Variants in ATP2B3 observed in about 807,000 individuals in gnomAD.
The protein encoded by ATP2B3 is ATPase plasma membrane Ca2+ transporting 3.
Under a neutral mutation model 70.8 loss-of-function variants are expected in ATP2B3, and 12 were observed. That is an observed-to-expected ratio of 0.17 (90% CI 0.11 to 0.27). The LOEUF (loss-of-function observed/expected upper bound fraction) is 0.27. Ranked by LOEUF, ATP2B3 falls within the 10% of genes least tolerant of loss-of-function variation. ATP2B3 has a pLI of 1.00. For missense variants in ATP2B3, 858 were observed against 1,118.5 expected (o/e 0.77, Z 3.32); for synonymous variants, 460 against 497.8 (o/e 0.92, Z 1.01).
chrX:153,526,227 C>T (rs1384457092), intron 2 of ATP2B3, among the ~76,000 whole-genome samples: 4 of 112,330 alleles, frequency 3.6e-5, no homozygotes, highest in Non-Finnish European at 5.6e-5. Context: ...GAGCAGGCAT[C>T]TGTCCATGAG....
chrX:153,558,006 A>C (rs1326379533), intron 16 of ATP2B3, 106 bp from the exon 17 acceptor site: 7 of 790,830 alleles, frequency 8.9e-6, no homozygotes, highest in Non-Finnish European at 1.2e-5. Context: ...GATGTTATTC[A>C]GAAGGGGAGA....
chrX:153,560,335 G>C (rs1042664392), intron 18 of ATP2B3, among the ~76,000 whole-genome samples: 1 of 111,109 alleles, frequency 9.0e-6, no homozygotes, highest in African/African-American at 3.3e-5. Context: ...GGAGTGACTG[G>C]GGTGCCGTGC....
intron 7 of ATP2B3, among the ~76,000 whole-genome samples, chrX:153,544,036 G>A (rs1283924977): frequency 8.8e-6 from 1 of 113,121 alleles, no homozygotes; most frequent in Non-Finnish European, 1.9e-5. Flanking sequence ...GGAGTAGCTG[G>A]ATGACCCTCT....
chrX:153,548,516 G>T, intron 9 of ATP2B3, 124 bp from the exon 10 acceptor site: 1 of 627,256 alleles, frequency 1.6e-6, no homozygotes, highest in Non-Finnish European at 2.4e-6. Flanking sequence ...GAAACGCAAG[G>T]CAAATCTACA....
At chrX:153,537,565 GAA>G (rs2124387878) in intron 3 of ATP2B3, among the ~76,000 whole-genome samples, 1 of 113,314 alleles carries the variant, frequency 8.8e-6, no homozygotes, top group African/African-American at 3.2e-5. Context: ...GCCAGGTCAG[GAA>G]CTCCAGGGTC....
chrX:153,544,467 C>G (rs1479650750), intron 7 of ATP2B3, among the ~76,000 whole-genome samples: 1 of 111,858 alleles, frequency 8.9e-6, no homozygotes, highest in Non-Finnish European at 1.9e-5. Context: ...CAGGCCCCAC[C>G]TGGCCCTCCT....
chrX:153,535,305 T>C lies in ATP2B3; in HGVS notation c.-126-817T>C, dbSNP rs1243430479. Reference sequence around the variant, plus strand: ...GACTTTGGCTCCTTACTTTGTCATCTGGAGGGAAGAAGAGCGTGGAGGGGA... The same window carrying C: ...GACTTTGGCTCCTTACTTTGTCATCCGGAGGGAAGAAGAGCGTGGAGGGGA... On this transcript the variant is annotated intron_variant, in intron 2 of 21. Transcript: ENST00000263519. 1.2e-4 allele frequency among the ~76,000 whole-genome samples: 14 copies of C among 112,258 alleles called. No individual in the cohort carries two copies. The Admixed American group carries it at 1.3e-3, about 10-fold the overall frequency.
chrX:153,570,166 G>C (rs1244236017), intron 21 of ATP2B3, among the ~76,000 whole-genome samples: 3 of 112,699 alleles, frequency 2.7e-5, no homozygotes, highest in African/African-American at 6.5e-5. Context: ...CGCGGGCTCA[G>C]GGCCGCCTTC....
At chrX:153,569,501 C>A in intron 21 of ATP2B3, 1 of 959,451 alleles carries the variant, frequency 1.0e-6, no homozygotes, top group Non-Finnish European at 1.5e-6. Context: ...TTGCTGTCAC[C>A]CTATGTGCCC....
chrX:153,518,117 G>A (rs2124274258), intron 1 of ATP2B3, among the ~76,000 whole-genome samples: 1 of 112,226 alleles, frequency 8.9e-6, no homozygotes, highest in South Asian at 3.5e-4. Context: ...TGCACCCTGC[G>A]CCCCGCATCG....
intron 21 of ATP2B3, chrX:153,574,842 C>G (rs924527233): frequency 9.1e-6 from 3 of 331,201 alleles, no homozygotes; most frequent in Non-Finnish European, 1.8e-5. Context: ...GCACATGGCA[C>G]TCCACACCTG....
At chrX:153,542,775 T>C (rs2090306724) in intron 6 of ATP2B3, among the ~76,000 whole-genome samples, 1 of 112,964 alleles carries the variant, frequency 8.9e-6, no homozygotes, top group Admixed American at 9.3e-5. Flanking sequence ...GTGGGGGTAG[T>C]GTTCCCTTTC....
At chrX:153,553,009 C>T (rs781819141) in intron 12 of ATP2B3, 26 bp from the exon 13 acceptor site, 4 of 1,168,812 alleles carry the variant, frequency 3.4e-6, no homozygotes, top group African/African-American at 1.8e-5. Flanking sequence ...CCACCTCCAC[C>T]TCATCTCTGC....
At position 153,562,228 on chromosome X, in the gene ATP2B3, C is replaced by A; in HGVS notation, c.3145C>A (p.Leu1049Met). 8.3e-7 allele frequency: 1 copy of A among 1,210,352 alleles called. No individual in the cohort carries two copies. Among genetic ancestry groups the A allele is most frequent in the Non-Finnish European group, 1.1e-6 (1 of 894,325 alleles). ...GTGCCTGTTTGTTGGTGTTGGGGAG[C>A]TGGTCTGGGGACAGGTGAGTGACAG... Reference protein sequence around the residue: ...LWCLFVGVGELVWGQVIATIP... With the variant: ...LWCLFVGVGEMVWGQVIATIP... The change falls in exon 20 of 22, where the codon CTG becomes ATG. Residue 1049 changes from leucine (L) to methionine (M), a missense_variant. Leu to Met is a conservative substitution (Grantham distance 15). Coordinates refer to ENST00000263519, the MANE Select transcript of ATP2B3 (RefSeq NM_001001344.3).
chrX:153,532,773 G>A lies in ATP2B3; in HGVS notation c.-126-3349G>A, dbSNP rs782301777. 1.2e-3 allele frequency among the ~76,000 whole-genome samples: 131 copies of A among 112,301 alleles called. 1 individual carries two copies. The highest frequency in any genetic ancestry group is 2.1e-3 in the Non-Finnish European group (112 of 53,180). Reference sequence around the variant, plus strand: ...CAGACCATTCTCGGCAGCCAGCCCAGGCCGGAAACTCTGTCAGGCCTGCAG... The same window carrying A: ...CAGACCATTCTCGGCAGCCAGCCCAAGCCGGAAACTCTGTCAGGCCTGCAG... On this transcript the variant is annotated intron_variant, in intron 2 of 21. Transcript: ENST00000263519.
chrX:153,534,477 C>T (rs1182093200), intron 2 of ATP2B3, among the ~76,000 whole-genome samples: 3 of 112,283 alleles, frequency 2.7e-5, no homozygotes, highest in Admixed American at 9.4e-5. Context: ...TGTCCCCAGA[C>T]GCCTTGCCTC....
In ATP2B3 at chrX:153,556,899, C is replaced by T. The variant is rs1487821870; in HGVS notation, c.2327-18C>T. On this transcript the variant is annotated intron_variant, in intron 15 of 21. Transcript: ENST00000263519. Reference sequence around the variant, plus strand: ...GACAGATGGCCCCAGCCCTGCCCTGCCCTGATCTGTCTTCCAGGGATTATC... The same window carrying T: ...GACAGATGGCCCCAGCCCTGCCCTGTCCTGATCTGTCTTCCAGGGATTATC... 1 of 1,172,499 alleles carries T rather than the reference C, an allele frequency of 8.5e-7. No homozygotes were observed. The highest frequency in any genetic ancestry group is 1.8e-5 in the African/African-American group (1 of 56,466).
intron 21 of ATP2B3, among the ~76,000 whole-genome samples, chrX:153,572,773 A>C (rs1416793380): frequency 9.0e-6 from 1 of 111,622 alleles, no homozygotes; most frequent in Non-Finnish European, 1.9e-5. Flanking sequence ...CACCGAGGCC[A>C]CAGTATCACC....
intron 15 of ATP2B3, 30 bp downstream of exon 15, chrX:153,556,448 G>T: frequency 2.6e-6 from 3 of 1,174,801 alleles, no homozygotes; most frequent in South Asian, 3.7e-5. Flanking sequence ...CCTTTCCTGG[G>T]GTGGCCAGCC....
Sources: allele counts gnomAD v4.1 joint callset (sites outside exome capture counted in the v4.1 genomes callset), GRCh38; gene constraint gnomAD v4.1.1; transcripts MANE v1.5; gene names NCBI Gene and HGNC (gene_info 2026-07-23, HGNC 2026-07-21).